Variants in ULK4 observed in about 807,000 individuals in gnomAD.
ULK4 encodes the protein inactive serine/threonine-protein kinase ULK4.
ULK4 carries 133 observed loss-of-function variants against 160.6 expected under a neutral mutation model. The ratio of observed to expected loss-of-function variants is 0.83; its 90% CI spans 0.72 to 0.96. ULK4 has a LOEUF of 0.96. ULK4 is among the 40% of genes least tolerant of loss of function. The pLI is 0.00. For synonymous variants in ULK4, 534 were observed against 539.8 expected, an observed-to-expected ratio of 0.99 and a Z score of 0.15; for missense variants, 1,580 against 1,499.5, an observed-to-expected ratio of 1.05 and a Z score of -0.89.
At chr3:41,289,470 T>C (rs1374830696) in intron 35 of ULK4, among the ~76,000 whole-genome samples, 2 of 152,238 alleles carry the variant, frequency 1.3e-5, no homozygotes, top group African/African-American at 4.8e-5. Context: ...TAGAGCATTA[T>C]TGAAAATATC....
At chr3:41,550,395 T>C (rs1013301474) in intron 32 of ULK4, among the ~76,000 whole-genome samples, 3 of 150,054 alleles carry the variant, frequency 2.0e-5, no homozygotes, top group Admixed American at 1.3e-4. Context: ...CTACAAGAAA[T>C]ATATTTCACC....
rs571250307 is a variant in ULK4 at position 41,506,875 on chromosome 3, G to T, written c.3227-43622C>A. ...AAACTGGTCTTTTCACCGGACACATGCACCCTCCTGCCTAGCAGAATGCGC... is the reference window on the plus strand; with the variant it reads ...AAACTGGTCTTTTCACCGGACACATTCACCCTCCTGCCTAGCAGAATGCGC... On this transcript the variant is annotated intron_variant, in intron 32 of 36. Transcript: ENST00000301831. Among the ~76,000 whole-genome samples, 203 of 140,960 alleles carry T rather than the reference G, an allele frequency of 1.4e-3. 1 individual carries two copies. Among genetic ancestry groups the T allele is most frequent in the Non-Finnish European group, 2.3e-3 (150 of 65,906 alleles). The allele number at this position is 140,960 out of a possible 152,430, so 92.5% of individuals were successfully genotyped here.
At chr3:41,445,858 G>T (rs2083285073) in intron 34 of ULK4, among the ~76,000 whole-genome samples, 1 of 152,010 alleles carries the variant, frequency 6.6e-6, no homozygotes, top group African/African-American at 2.4e-5. Context: ...GGCAACAAAA[G>T]ACAAAATTGA....
chr3:41,820,565 G>T (rs1159992951), intron 18 of ULK4, among the ~76,000 whole-genome samples: 1 of 152,074 alleles, frequency 6.6e-6, no homozygotes, highest in Admixed American at 6.5e-5. Flanking sequence ...TCACTTGTGA[G>T]AACTAAACAT....
At chr3:41,268,813 C>A (rs76376852) in intron 35 of ULK4, among the ~76,000 whole-genome samples, 8,500 of 28,596 alleles carry the variant, frequency 0.3, 1,141 homozygotes, top group African/African-American at 0.55. Context: ...CACACACACA[C>A]AAAAAAAAAA....
At chr3:41,859,460 CTGGACAGGTCACCAATA>C (rs2042446020) in intron 17 of ULK4, 2 of 552,008 alleles carry the variant, frequency 3.6e-6, no homozygotes, top group Admixed American at 3.8e-5. Flanking sequence ...TAGCAGAAAC[CTGGACAGGTCACCAATA>C]TGGTAATGAT....
At chr3:41,901,168 G>GT (rs1698337236) in intron 12 of ULK4, among the ~76,000 whole-genome samples, 1 of 116,882 alleles carries the variant, frequency 8.6e-6, no homozygotes, top group Non-Finnish European at 1.8e-5. Context: ...TAACAGCATG[G>GT]CTTCTTTTTT....
Position 41,681,478 on chromosome 3 carries a change from T to G in ULK4, c.2978+30A>C, listed in dbSNP as rs115319546. The G allele has an allele frequency of 9.2e-4, 1,481 of 1,612,806 alleles. 6 individuals carry two copies. In the African/African-American group the frequency reaches 0.016, roughly 17 times the overall value. ...AAGCTTCCTGGATAGCCTACACTTCTCTGCATGAATACAACTGCATGATAC... is the reference window on the plus strand; with the variant it reads ...AAGCTTCCTGGATAGCCTACACTTCGCTGCATGAATACAACTGCATGATAC... On this transcript the variant is annotated intron_variant, in intron 29 of 36. Transcript: ENST00000301831.
chr3:41,300,840 TATA>T (rs1559512068), intron 35 of ULK4, among the ~76,000 whole-genome samples: 75 of 22,206 alleles, frequency 3.4e-3, no homozygotes, highest in African/African-American at 0.011. Context: ...TTACAGATTA[TATA>T]TATATATATA....
chr3:41,821,864 G>A (rs1377133110), intron 18 of ULK4, among the ~76,000 whole-genome samples: 1 of 152,106 alleles, frequency 6.6e-6, no homozygotes, highest in African/African-American at 2.4e-5. Flanking sequence ...AGCTCTTGCT[G>A]AGTTACCAGT....
At chr3:41,825,473 T>G in intron 18 of ULK4, among the ~76,000 whole-genome samples, 1 of 152,160 alleles carries the variant, frequency 6.6e-6, no homozygotes, top group Admixed American at 6.5e-5. Flanking sequence ...TTAAAGGACC[T>G]GATGGAGCTG....
intron 29 of ULK4, among the ~76,000 whole-genome samples, chr3:41,680,331 T>C (rs986115634): frequency 6.6e-6 from 1 of 152,168 alleles, no homozygotes; most frequent in African/African-American, 2.4e-5. Context: ...ATATTAATTA[T>C]CAGAGCTGTC....
At chr3:41,615,148 TTTTC>T (rs1277928045) in intron 31 of ULK4, among the ~76,000 whole-genome samples, 1 of 152,180 alleles carries the variant, frequency 6.6e-6, no homozygotes, top group Non-Finnish European at 1.5e-5. Flanking sequence ...AGAGGAAAGA[TTTTC>T]TTTAACAGAT....
intron 29 of ULK4, among the ~76,000 whole-genome samples, chr3:41,678,491 C>T (rs1168478943): frequency 6.6e-6 from 1 of 152,062 alleles, no homozygotes; most frequent in Non-Finnish European, 1.5e-5. Context: ...TATCTGAGAA[C>T]AAAGCAGAGT....
At chr3:41,787,849 A>G (rs1275343600) in intron 21 of ULK4, among the ~76,000 whole-genome samples, 2 of 152,218 alleles carry the variant, frequency 1.3e-5, no homozygotes, top group Non-Finnish European at 1.5e-5. Context: ...TATATATGAT[A>G]AATAATTAAA....
At chr3:41,824,486 T>A (rs1489321614) in intron 18 of ULK4, among the ~76,000 whole-genome samples, 1 of 152,124 alleles carries the variant, frequency 6.6e-6, no homozygotes, top group Admixed American at 6.5e-5. Flanking sequence ...ACTTTTCCAA[T>A]GGTCTTAGCA....
chr3:41,489,218 T>C (rs2084658534), intron 32 of ULK4, among the ~76,000 whole-genome samples: 1 of 152,206 alleles, frequency 6.6e-6, no homozygotes, highest in South Asian at 2.1e-4. Flanking sequence ...TTTCTATTTT[T>C]CTTACTAAAG....
At chr3:41,922,554 C>G (rs1054399653) in intron 5 of ULK4, among the ~76,000 whole-genome samples, 2 of 136,818 alleles carry the variant, frequency 1.5e-5, no homozygotes, top group East Asian at 2.1e-4. Flanking sequence ...ACAACAAGTG[C>G]AGGAAATCGT....
chr3:41,947,424 T>C (rs1038331914), intron 2 of ULK4, among the ~76,000 whole-genome samples: 1 of 152,132 alleles, frequency 6.6e-6, no homozygotes, highest in South Asian at 2.1e-4. Flanking sequence ...GTAAATGCTA[T>C]ATGGAGAAGA....
Sources: allele counts gnomAD v4.1 joint callset (sites outside exome capture counted in the v4.1 genomes callset), GRCh38; gene constraint gnomAD v4.1.1; transcripts MANE v1.5; gene names NCBI Gene and HGNC (gene_info 2026-07-23, HGNC 2026-07-21).